CUL4A: variants seen among roughly 807,000 people sequenced by gnomAD.
CUL4A encodes the protein cullin-4A.
CUL4A carries 16 observed loss-of-function variants against 95.5 expected under a neutral mutation model. The observed-to-expected ratio is 0.17, with a 90% CI of 0.11 to 0.25. CUL4A has a LOEUF of 0.25. CUL4A is among the 10% of genes least tolerant of loss of function. The pLI is 1.00. For missense variants in CUL4A, 610 were observed against 937.0 expected, an observed-to-expected ratio of 0.65 and a Z score of 4.56; for synonymous variants, 380 against 353.1, an observed-to-expected ratio of 1.08 and a Z score of -0.85.
intron 2 of CUL4A, among the ~76,000 whole-genome samples, chr13:113,214,456 T>A (rs1415873174): frequency 6.6e-6 from 1 of 152,174 alleles, no homozygotes; most frequent in East Asian, 1.9e-4. Flanking sequence ...AGAAAGGCTG[T>A]GTTTTGATTT....
chr13:113,234,124 G>A, intron 7 of CUL4A, 138 bp downstream of exon 7: 1 of 575,102 alleles, frequency 1.7e-6, no homozygotes, highest in Non-Finnish European at 3.1e-6. Flanking sequence ...AATCTTGCCA[G>A]AATCCCCAGT....
chr13:113,218,027 A>C (rs1038334645), intron 2 of CUL4A, among the ~76,000 whole-genome samples: 18 of 152,242 alleles, frequency 1.2e-4, no homozygotes, highest in Non-Finnish European at 2.6e-4. Flanking sequence ...ACCTGAGGTC[A>C]GGCGTTTGAG....
At chr13:113,231,567 T>G (rs1395258314) in intron 5 of CUL4A, among the ~76,000 whole-genome samples, 1 of 152,138 alleles carries the variant, frequency 6.6e-6, no homozygotes. Context: ...ACCTAAGCCT[T>G]CCTAAGCACT....
chr13:113,241,086 A>G (rs1359801805), intron 10 of CUL4A, among the ~76,000 whole-genome samples: 1 of 152,224 alleles, frequency 6.6e-6, no homozygotes, highest in Non-Finnish European at 1.5e-5. Flanking sequence ...CAGCACTCAC[A>G]GCACCCCTCC....
rs139794133 is a variant in CUL4A at position 113,246,124 on chromosome 13, T to C, written c.1638+61T>C. 125 of 1,271,600 alleles carry C rather than the reference T, an allele frequency of 9.8e-5. No individual in the cohort carries two copies. The East Asian group carries it at 2.8e-3, about 28-fold the overall frequency. 78.8% of individuals were successfully genotyped at this position (1,271,600 alleles called of 1,614,324 possible). On this transcript the variant is annotated intron_variant, in intron 15 of 19. Transcript: ENST00000375440. ...GTCATGCCCTTACCAGGCACAGATA[T>C]GTTGCCTTCAAGAATTGTTGAATGG...
rs553682876 is a variant in CUL4A at position 113,237,053 on chromosome 13, A to T, written c.916+163A>T. 2.0e-5 allele frequency among the ~76,000 whole-genome samples: 3 copies of T among 152,240 alleles called. No homozygotes were observed. The East Asian group carries it at 5.8e-4, about 29-fold the overall frequency. On this transcript the variant is annotated intron_variant, in intron 9 of 19. Transcript: ENST00000375440. ...GAACATGTTAGCCATCCACGGGAGA[A>T]AAAAAAATCAGTAAGAGAAATAATG...
chr13:113,223,145 C>T (rs1262392342), intron 3 of CUL4A, among the ~76,000 whole-genome samples: 1 of 152,160 alleles, frequency 6.6e-6, no homozygotes, highest in Non-Finnish European at 1.5e-5. Context: ...TTCTGTCCAA[C>T]TCAGCACTGT....
At chr13:113,232,226 CACTACCCGCCCACCACCATTACTGCT>C (rs2139183140) in intron 5 of CUL4A, among the ~76,000 whole-genome samples, 2 of 19,586 alleles carry the variant, frequency 1.0e-4, no homozygotes, top group African/African-American at 2.7e-4. Flanking sequence ...CTGCTGCCAC[CACTACCCGCCCACCACCATTACTGCT>C]GCCACCACTA....
intron 5 of CUL4A, among the ~76,000 whole-genome samples, chr13:113,232,805 C>T (rs1445296048): frequency 6.6e-6 from 1 of 151,962 alleles, no homozygotes; most frequent in South Asian, 2.1e-4. Flanking sequence ...GAGACGGTGG[C>T]GGGAGGGGCA....
At chr13:113,242,282 T>C (rs932544147) in intron 10 of CUL4A, among the ~76,000 whole-genome samples, 1 of 150,328 alleles carries the variant, frequency 6.7e-6, no homozygotes, top group African/African-American at 2.4e-5. Context: ...AAAAAAAAAG[T>C]ACAAACTAAA....
At chr13:113,234,065 C>T in intron 7 of CUL4A, 79 bp downstream of exon 7, 1 of 771,422 alleles carries the variant, frequency 1.3e-6, no homozygotes, top group Non-Finnish European at 2.2e-6. Context: ...CTCATGTTTG[C>T]CTTTTCACAC....
Position 113,219,054 on chromosome 13 carries a change from C to T in CUL4A, c.368+6C>T. ...CAGATCCTTCCGTTTAGAGAATATC[C>T]TTTTTTTGGTTCATAAAGTTTCTAT... is the stretch of plus-strand genomic sequence containing the variant. On this transcript the variant is annotated splice_donor_region_variant and intron_variant, in intron 3 of 19. Transcript: ENST00000375440. The T allele has an allele frequency of 6.4e-7, 1 of 1,573,938 alleles. No individual in the cohort carries two copies. The highest frequency in any genetic ancestry group is 8.6e-7 in the Non-Finnish European group (1 of 1,158,028).
At position 113,260,499 on chromosome 13, in the gene CUL4A, G is replaced by A. The variant is rs370299606; in HGVS notation, c.2032-108G>A. ...TGGGAGGCGGAGGTTGCAGTGAGCC[G>A]AGATCACACCATTGCACTCTAGCCC... On this transcript the variant is annotated intron_variant, in intron 18 of 19. Coordinates refer to ENST00000375440, the MANE Select transcript of CUL4A (RefSeq NM_001008895.4). 6.8e-5 allele frequency: 67 copies of A among 982,002 alleles called. 1 individual carries two copies. In the South Asian group the frequency reaches 8.0e-4, roughly 12 times the overall value. The allele number at this position is 982,002 out of a possible 1,614,324, so 60.8% of individuals were successfully genotyped here.
At position 113,209,771 on chromosome 13, in the gene CUL4A, C is replaced by T; in HGVS notation, c.144C>T (p.Phe48=). The change falls in exon 1 of 20, where the codon TTC becomes TTT. Residue 48 remains phenylalanine, a synonymous_variant. Transcript: ENST00000375440. The part of the protein sequence containing the change: ...GGSKKLVIKN[F]RDRPRLPDNY... ...CCAAGAAGCTGGTCATCAAGAACTT[C>T]CGAGGTGGGTGCGGCGGCCGGGTCG... 1 of 1,178,764 alleles carries T rather than the reference C, an allele frequency of 8.5e-7. No individual in the cohort carries two copies. 73.0% of individuals were successfully genotyped at this position (1,178,764 alleles called of 1,614,324 possible). A position where few individuals can be genotyped will look rare whatever the true frequency, so the allele number is the denominator to read the frequency against.
In CUL4A at chr13:113,266,861, T is replaced by C. The variant is rs2042404132; in HGVS notation, c.*3279T>C. 6.6e-6 allele frequency: 1 copy of C among 152,224 alleles called. No individual in the cohort carries two copies. Among genetic ancestry groups the C allele is most frequent in the Non-Finnish European group, 1.5e-5 (1 of 68,038 alleles). The allele number at this position is 152,224 out of a possible 1,614,324, so 9.4% of individuals were successfully genotyped here. ...ATATGAAACCATAATCATAAGATAC[T>C]TTTTTTGTAAATTGACTATTATTGT... On this transcript the variant is annotated 3_prime_UTR_variant, in exon 20 of 20. Transcript: ENST00000375440.
chr13:113,211,143 C>T (rs1427232819), intron 2 of CUL4A, among the ~76,000 whole-genome samples: 2 of 152,250 alleles, frequency 1.3e-5, no homozygotes, highest in East Asian at 1.9e-4. Context: ...CCCCTGACTC[C>T]TAGCCCTTGG....
chr13:113,240,347 C>T (rs535616832), intron 10 of CUL4A, among the ~76,000 whole-genome samples: 1 of 152,170 alleles, frequency 6.6e-6, no homozygotes, highest in Non-Finnish European at 1.5e-5. Context: ...GTTGCCCAGC[C>T]CAAGAAACCT....
intron 14 of CUL4A, among the ~76,000 whole-genome samples, chr13:113,245,533 G>C (rs1202310009): frequency 1.3e-5 from 2 of 152,254 alleles, no homozygotes; most frequent in African/African-American, 4.8e-5. Context: ...CTGGGCAACA[G>C]AGTGAGACCT....
chr13:113,229,631 C>T (rs954183522), intron 5 of CUL4A, 112 bp downstream of exon 5: 5 of 890,106 alleles, frequency 5.6e-6, no homozygotes, highest in East Asian at 2.7e-5. Context: ...CTTGTGCCTT[C>T]CTTTCTTCAG....
Sources: gnomAD v4.1 joint callset for allele counts (sites outside exome capture counted in the v4.1 genomes callset) on GRCh38, gnomAD v4.1.1 for gene constraint, MANE v1.5 for transcripts, NCBI Gene and HGNC (gene_info 2026-07-23, HGNC 2026-07-21) for gene names.